The following MYO15A variants were observed in gnomAD, a reference collection of about 807,000 sequenced individuals.
The protein encoded by MYO15A is myosin XVA, also known as unconventional myosin-XV.
In MYO15A, 308 loss-of-function variants were observed where a neutral mutation model predicts 394.6. The ratio of observed to expected loss-of-function variants is 0.78; its 90% CI spans 0.71 to 0.86. The LOEUF (loss-of-function observed/expected upper bound fraction) is 0.86, where lower values mean the gene tolerates loss of function less well. MYO15A is among the 40% of genes least tolerant of loss of function. MYO15A has a pLI of 0.00. For synonymous variants in MYO15A, 1,957 were observed against 2,003.8 expected (o/e 0.98, Z 0.62); for missense variants, 4,606 against 4,799.1 (o/e 0.96, Z 1.19).
At position 18,149,265 on chromosome 17, in the gene MYO15A, C is replaced by T. The variant is rs1169954783; in HGVS notation, c.7006C>T (p.Gln2336Ter). The change falls in exon 34 of 66, where the codon CAG becomes TAG. Residue 2336 changes from glutamine (Q) to a stop codon, truncating the protein, a stop_gained. Coordinates refer to ENST00000647165, the MANE Select transcript of MYO15A (RefSeq NM_016239.4). LOFTEE classifies it high-confidence loss of function. ...GGATGAGGACATGTCCACTAGACCC[C>T]AGCCCCAGGAGCACATGCCCAAAGT... The part of the protein sequence containing the change: ...DSDEDMSTRP[Q>*]PQEHMPKVLD... The T allele has an allele frequency of 2.5e-6, 4 of 1,613,896 alleles. No individual in the cohort carries two copies. In the African/African-American group the frequency reaches 4.0e-5, roughly 16 times the overall value.
rs1597805017 is a variant in MYO15A at position 18,152,335 on chromosome 17, T to C, written c.7966+151T>C. On this transcript the variant is annotated intron_variant, in intron 42 of 65. Transcript: ENST00000647165. Reference sequence around the variant, plus strand: ...CACATTGGTGTAATTATAATGTCAATACTTAAGTAGCACAGATCTCAGGCC... The same window carrying C: ...CACATTGGTGTAATTATAATGTCAACACTTAAGTAGCACAGATCTCAGGCC... 5.0e-6 allele frequency: 4 copies of C among 806,604 alleles called. No homozygotes were observed. The East Asian group carries it at 1.1e-4, about 22-fold the overall frequency. The allele number at this position is 806,604 out of a possible 1,614,324, so 50.0% of individuals were successfully genotyped here.
At chr17:18,178,487 G>C in intron 65 of MYO15A, 1 of 560,966 alleles carries the variant, frequency 1.8e-6, no homozygotes, top group East Asian at 3.3e-5. Flanking sequence ...CTGAGGCTCA[G>C]AGAGGTGAAG....
Position 18,130,738 on chromosome 17 carries a change from G to A in MYO15A, c.4033-67G>A, listed in dbSNP as rs910250423. 4.5e-5 allele frequency: 73 copies of A among 1,610,208 alleles called. 1 individual carries two copies. In the East Asian group the frequency reaches 1.6e-3, roughly 35 times the overall value. On this transcript the variant is annotated intron_variant, in intron 7 of 65. Coordinates refer to ENST00000647165, the MANE Select transcript of MYO15A (RefSeq NM_016239.4). Reference sequence around the variant, plus strand: ...TAGTCTCCTGGAGAGAGTGGTGGTCGGTCCTGCTAGTGACTCCATTCTGTT... The same window carrying A: ...TAGTCTCCTGGAGAGAGTGGTGGTCAGTCCTGCTAGTGACTCCATTCTGTT...
chr17:18,163,676 G>GT, intron 59 of MYO15A, 66 bp from the exon 60 acceptor site: 1 of 1,459,400 alleles, frequency 6.9e-7, no homozygotes, highest in Middle Eastern at 1.9e-4. Flanking sequence ...GGGGGCCTGA[G>GT]TGGGGCCAGA....
intron 47 of MYO15A, chr17:18,155,922 G>A: frequency 1.9e-6 from 1 of 516,430 alleles, no homozygotes; most frequent in African/African-American, 1.9e-5. Flanking sequence ...GAGAGATTTG[G>A]GTAGGTGCAA....
In MYO15A at chr17:18,119,725, T is replaced by C; in HGVS notation, c.925T>C (p.Tyr309His). ...FDPGYTYGYGYDDYEPPYAPP... is the reference protein window; with the variant it reads ...FDPGYTYGYGHDDYEPPYAPP... ...TCCGGGGTACACCTACGGCTACGGC[T>C]ACGACGATTACGAACCCCCATATGC... The change falls in exon 2 of 66, where the codon TAC becomes CAC. Residue 309 changes from tyrosine (Y) to histidine (H), a missense_variant. Tyr to His is a moderately conservative substitution (Grantham distance 83, BLOSUM62 2). Coordinates refer to ENST00000647165, the MANE Select transcript of MYO15A (RefSeq NM_016239.4). 5 of 1,612,306 alleles carry C rather than the reference T, an allele frequency of 3.1e-6. No homozygotes were observed. The highest frequency in any genetic ancestry group is 3.4e-6 in the Non-Finnish European group (4 of 1,179,984).
At position 18,122,108 on chromosome 17, in the gene MYO15A, G is replaced by C. The variant is rs750304417; in HGVS notation, c.3308G>C (p.Gly1103Ala). The C allele has an allele frequency of 2.4e-5, 38 of 1,612,810 alleles. 1 individual carries two copies. The highest frequency in any genetic ancestry group is 1.6e-4 in the Middle Eastern group (1 of 6,084). Reference protein sequence around the residue: ...PIRAPEPLPKGGERRQAAPGR... With the variant: ...PIRAPEPLPKAGERRQAAPGR... ...AGGGCCCCAGAGCCCCTGCCCAAGG[G>C]GGGTGAACGGCGCCAGGCAGCCCCT... The change falls in exon 2 of 66, where the codon GGG (glycine) becomes GCG (alanine). Residue 1103 changes from glycine to alanine, a missense_variant. Gly to Ala is a moderately conservative substitution (Grantham distance 60, BLOSUM62 0). This residue lies in a region of MYO15A where 1,830 missense variants were observed against 1,689.7 expected (regional missense o/e 1.08). Transcript: ENST00000647165.
intron 56 of MYO15A, among the ~76,000 whole-genome samples, 197 bp downstream of exon 56, chr17:18,160,214 C>T (rs1232230777): frequency 6.6e-6 from 1 of 152,198 alleles, no homozygotes; most frequent in East Asian, 1.9e-4. Context: ...ACTTTAGTGC[C>T]CTCATCTGTA....
At chr17:18,149,420 A>C in intron 34 of MYO15A, 44 bp downstream of exon 34, 1 of 1,612,998 alleles carries the variant, frequency 6.2e-7, no homozygotes, top group Non-Finnish European at 8.5e-7. Flanking sequence ...AGGGAGCCTT[A>C]GAGGCTGTGT....
Position 18,126,469 on chromosome 17 carries a change from G to A in MYO15A, c.3866+13G>A. On this transcript the variant is annotated intron_variant, in intron 5 of 65. Transcript: ENST00000647165. ...GAGAGAATCCCCCGTGAGTGTCTCG[G>A]GGGCGCTGCCCTGGGGTCTCTTGGG... is the stretch of plus-strand genomic sequence containing the variant. The A allele has an allele frequency of 6.2e-7, 1 of 1,612,126 alleles. No homozygotes were observed.
intron 62 of MYO15A, among the ~76,000 whole-genome samples, chr17:18,168,495 C>T (rs990904705): frequency 6.6e-6 from 1 of 150,882 alleles, no homozygotes; most frequent in Admixed American, 6.6e-5. Context: ...ACCCGGGAGG[C>T]GGAGCTTGCA....
Position 18,126,418 on chromosome 17 carries a change from G to A in MYO15A, c.3828G>A (p.Val1276=). 2 of 1,613,992 alleles carry A rather than the reference G, an allele frequency of 1.2e-6. No homozygotes were observed. Among genetic ancestry groups the A allele is most frequent in the Non-Finnish European group, 1.7e-6 (2 of 1,180,000 alleles). ...QMFGIYGPEQ[V]QQYNGRALGE... The stretch of plus-strand genomic sequence containing the variant: ...TTGGAATCTATGGGCCGGAGCAGGT[G>A]CAGCAGTACAACGGACGGGCCCTGG... The change falls in exon 5 of 66, where the codon GTG becomes GTA. Residue 1276 remains valine (V), a synonymous_variant. Coordinates refer to ENST00000647165, the MANE Select transcript of MYO15A (RefSeq NM_016239.4).
At chr17:18,158,482 T>C in intron 51 of MYO15A, 41 bp from the exon 52 acceptor site, 1 of 1,564,640 alleles carries the variant, frequency 6.4e-7, no homozygotes, top group Non-Finnish European at 8.8e-7. Flanking sequence ...CTAGGCGTGG[T>C]GTGGCCGGAC....
intron 55 of MYO15A, 47 bp downstream of exon 55, chr17:18,159,726 T>C: frequency 6.3e-7 from 1 of 1,598,176 alleles, no homozygotes; most frequent in Non-Finnish European, 8.6e-7. Flanking sequence ...TGCTCTGTGG[T>C]TCAGTTTCCC....
chr17:18,130,781 C>T (rs2046140854), intron 7 of MYO15A, 24 bp from the exon 8 acceptor site: 12 of 1,610,688 alleles, frequency 7.5e-6, no homozygotes, highest in Non-Finnish European at 1.0e-5. Context: ...GTCTCTTTGT[C>T]CTCCCTCCTG....
In MYO15A at chr17:18,151,170, G is replaced by C. The variant is rs201619309; in HGVS notation, c.7534G>C (p.Val2512Leu). ...AGGCACCGGTCCCCCTGCCAAACCC[G>C]TGCTCCTGCGTGCCACTCCAAAGCC... ...SVGTGPPAKPVLLRATPKPLA... is the reference protein window; with the variant it reads ...SVGTGPPAKPLLLRATPKPLA... Residue 2512 changes from valine to leucine, a missense_variant, in exon 39 of 66, where the codon GTG becomes CTG. Coordinates refer to ENST00000647165, the MANE Select transcript of MYO15A (RefSeq NM_016239.4). 6.2e-7 allele frequency: 1 copy of C among 1,613,968 alleles called. No individual in the cohort carries two copies. The highest frequency in any genetic ancestry group is 2.2e-5 in the East Asian group (1 of 44,864).
intron 65 of MYO15A, among the ~76,000 whole-genome samples, chr17:18,174,378 T>C (rs892218850): frequency 3.9e-5 from 6 of 152,050 alleles, no homozygotes; most frequent in African/African-American, 1.5e-4. Flanking sequence ...TCCCAGCACT[T>C]TGGAAGGCTG....
rs764543197 is a variant in MYO15A, at chr17:18,140,649, G to A, written c.5344G>A (p.Val1782Met). Residue 1782 changes from valine to methionine, a missense_variant, in exon 20 of 66, where the codon GTG becomes ATG. Val to Met is a conservative substitution (Grantham distance 21). Transcript: ENST00000647165. ...GTTCCAGCAGTCACTCCTGGATCTG[G>A]TGGAAAAGATGGAGAGGTGGGGTGG... The part of the protein sequence containing the change: ...AKFQQSLLDL[V>M]EKMERCNPLF... 1 of 1,613,844 alleles carries A rather than the reference G, an allele frequency of 6.2e-7. No homozygotes were observed. The highest frequency in any genetic ancestry group is 1.3e-5 in the African/African-American group (1 of 74,954).
At position 18,145,926 on chromosome 17, in the gene MYO15A, G is replaced by T. The variant is rs756396137; in HGVS notation, c.6328G>T (p.Gly2110Trp). ...HLHGARENIF[G>W]NYIVQKGLAV... ...GCATGGTGCCCGGGAGAACATCTTCGGGAACTACATCGTGCAGAAGGGGCT... is the reference window on the plus strand; with the variant it reads ...GCATGGTGCCCGGGAGAACATCTTCTGGAACTACATCGTGCAGAAGGGGCT... Residue 2110 changes from glycine (G) to tryptophan (W), a missense_variant, in exon 30 of 66, where the codon GGG (glycine) becomes TGG (tryptophan). Physicochemically the swap from Gly to Trp is radical, Grantham distance 184 (BLOSUM62 -2). This residue lies in a region of MYO15A where 2,776 missense variants were observed against 3,109.3 expected (regional missense o/e 0.89). Coordinates refer to ENST00000647165, the MANE Select transcript of MYO15A (RefSeq NM_016239.4). 6.2e-7 allele frequency: 1 copy of T among 1,613,594 alleles called. No homozygotes were observed. Among genetic ancestry groups the T allele is most frequent in the Admixed American group, 1.7e-5 (1 of 59,998 alleles).
Sources: gnomAD v4.1 joint callset for allele counts (sites outside exome capture counted in the v4.1 genomes callset) on GRCh38, gnomAD v4.1.1 for gene constraint, gnomAD v4.1.1 regional missense constraint, MANE v1.5 for transcripts, NCBI Gene and HGNC (gene_info 2026-07-23, HGNC 2026-07-21) for gene names.